PIK3AP1: variants seen among roughly 807,000 people sequenced by gnomAD.
The protein encoded by PIK3AP1 is phosphoinositide 3-kinase adapter protein 1.
PIK3AP1 carries 21 observed loss-of-function variants against 88.1 expected under a neutral mutation model. That is an observed-to-expected ratio of 0.24 (90% CI 0.17 to 0.34). The LOEUF (loss-of-function observed/expected upper bound fraction) is 0.34. Ranked by LOEUF, PIK3AP1 falls within the 10% of genes least tolerant of loss-of-function variation. The pLI, the probability that PIK3AP1 is intolerant of heterozygous loss-of-function variation, is 1.00. For synonymous variants in PIK3AP1, 398 were observed against 400.0 expected (o/e 1.00, Z 0.06); for missense variants, 828 against 1,035.7 (o/e 0.80, Z 2.75).
intron 14 of PIK3AP1, among the ~76,000 whole-genome samples, chr10:96,609,069 C>A (rs1564953035): frequency 6.6e-6 from 1 of 152,186 alleles, no homozygotes; most frequent in Non-Finnish European, 1.5e-5. Flanking sequence ...AGCTTTCCAG[C>A]CAAAAGGAAG....
chr10:96,603,569 C>CT (rs1848941379), intron 15 of PIK3AP1, among the ~76,000 whole-genome samples: 1 of 152,018 alleles, frequency 6.6e-6, no homozygotes, highest in African/African-American at 2.4e-5. Context: ...ACACTGGACT[C>CT]CAAGTTCTCC....
At chr10:96,713,363 G>T (rs1410412397) in intron 1 of PIK3AP1, among the ~76,000 whole-genome samples, 2 of 151,938 alleles carry the variant, frequency 1.3e-5, no homozygotes, top group African/African-American at 2.4e-5. Context: ...AATTAGCCGG[G>T]TGTTGTGGCA....
chr10:96,628,277 A>G, intron 9 of PIK3AP1, 121 bp downstream of exon 9: 1 of 862,874 alleles, frequency 1.2e-6, no homozygotes, highest in East Asian at 2.4e-5. Flanking sequence ...TATTCACATC[A>G]CATGCCATGT....
At chr10:96,639,998 G>A (rs1843362748) in intron 8 of PIK3AP1, among the ~76,000 whole-genome samples, 3 of 152,144 alleles carry the variant, frequency 2.0e-5, no homozygotes, top group African/African-American at 7.2e-5. Flanking sequence ...AGAGAGCTCA[G>A]GTAAAGAAAA....
At chr10:96,620,311 G>T (rs1843058437) in intron 12 of PIK3AP1, 41 bp downstream of exon 12, 3 of 1,597,830 alleles carry the variant, frequency 1.9e-6, no homozygotes, top group Non-Finnish European at 2.6e-6. Context: ...CTGTCAAGTG[G>T]GGAAATAGAC....
intron 12 of PIK3AP1, among the ~76,000 whole-genome samples, chr10:96,619,039 G>T (rs574825201): frequency 2.0e-5 from 3 of 152,242 alleles, no homozygotes; most frequent in African/African-American, 7.2e-5. Flanking sequence ...GGGAGCACAG[G>T]CTCTGGGGTG....
intron 2 of PIK3AP1, among the ~76,000 whole-genome samples, chr10:96,707,617 C>G (rs1298050591): frequency 6.6e-6 from 1 of 152,044 alleles, no homozygotes; most frequent in African/African-American, 2.4e-5. Context: ...TTTTAAAGAA[C>G]AATCTGTTAC....
At chr10:96,699,679 A>G (rs1844269320) in intron 2 of PIK3AP1, among the ~76,000 whole-genome samples, 1 of 152,286 alleles carries the variant, frequency 6.6e-6, no homozygotes, top group South Asian at 2.1e-4. Flanking sequence ...GTTGGCTCTG[A>G]TTTCTACATA....
chr10:96,706,778 G>A (rs1210006546), intron 2 of PIK3AP1, among the ~76,000 whole-genome samples: 7 of 152,138 alleles, frequency 4.6e-5, no homozygotes, highest in Non-Finnish European at 8.8e-5. Context: ...AAGAAAGCTT[G>A]TCCAGCAAAA....
chr10:96,624,429 C>T (rs1843127460), intron 10 of PIK3AP1, among the ~76,000 whole-genome samples: 1 of 152,134 alleles, frequency 6.6e-6, no homozygotes, highest in Admixed American at 6.5e-5. Context: ...CTGACCTTCG[C>T]AATAAGGCTA....
intron 13 of PIK3AP1, among the ~76,000 whole-genome samples, chr10:96,610,895 A>G (rs972892014): frequency 8.5e-5 from 13 of 152,214 alleles, no homozygotes; most frequent in African/African-American, 3.1e-4. Context: ...GCCCAGGGGC[A>G]GGGTTTATAC....
intron 6 of PIK3AP1, 31 bp from the exon 7 acceptor site, chr10:96,648,886 A>G: frequency 6.6e-7 from 1 of 1,516,252 alleles, no homozygotes; most frequent in Non-Finnish European, 8.8e-7. Flanking sequence ...CTTAATAGGC[A>G]GATAAAAATA....
intron 8 of PIK3AP1, among the ~76,000 whole-genome samples, chr10:96,640,346 G>A (rs1281394343): frequency 9.0e-6 from 1 of 111,030 alleles, no homozygotes; most frequent in Non-Finnish European, 1.9e-5. Context: ...GAAACAGACT[G>A]GACAAGGGCC....
intron 15 of PIK3AP1, among the ~76,000 whole-genome samples, chr10:96,602,848 C>CT (rs1321519214): frequency 3.3e-5 from 5 of 152,182 alleles, no homozygotes; most frequent in Non-Finnish European, 7.3e-5. Flanking sequence ...AAAGCAGCAA[C>CT]TTACTCCCTG....
chr10:96,617,623 G>A (rs1200941371), intron 12 of PIK3AP1, among the ~76,000 whole-genome samples: 3 of 152,216 alleles, frequency 2.0e-5, no homozygotes, highest in Non-Finnish European at 4.4e-5. Context: ...GCAGGCAACA[G>A]AAGCTGACAT....
intron 10 of PIK3AP1, among the ~76,000 whole-genome samples, chr10:96,626,259 A>G (rs1843152531): frequency 1.3e-5 from 2 of 152,222 alleles, no homozygotes; most frequent in Admixed American, 1.3e-4. Flanking sequence ...TGGCTTTGCT[A>G]TGCAATGGTT....
intron 1 of PIK3AP1, among the ~76,000 whole-genome samples, chr10:96,715,719 T>C (rs1004444514): frequency 7.3e-5 from 11 of 151,402 alleles, no homozygotes; most frequent in Non-Finnish European, 1.3e-4. Flanking sequence ...TGAAAACCCG[T>C]CTCTACTAAA....
At position 96,648,821 on chromosome 10, in the gene PIK3AP1, A is replaced by G; in HGVS notation, c.1023T>C (p.His341=). ...TCTTCAGTCCATACTTCGCAGCAAAATGCAACAGGGTGGGCAGCTCTTCAT... is the reference window on the plus strand; with the variant it reads ...TCTTCAGTCCATACTTCGCAGCAAAGTGCAACAGGGTGGGCAGCTCTTCAT... ...QRDEELPTLL[H]FAAKYGLKNL... Residue 341 remains histidine (H), a synonymous_variant, in exon 7 of 17, where the codon CAT becomes CAC. Transcript: ENST00000339364. The G allele has an allele frequency of 6.3e-7, 1 of 1,593,700 alleles. No homozygotes were observed. The highest frequency in any genetic ancestry group is 2.3e-5 in the East Asian group (1 of 42,842).
chr10:96,632,954 C>G (rs979765231), intron 8 of PIK3AP1: 1 of 1,612,870 alleles, frequency 6.2e-7, no homozygotes. Context: ...GCTAGCAGGG[C>G]AGTGAAGAGA....
Sources: gnomAD v4.1 joint callset for allele counts (sites outside exome capture counted in the v4.1 genomes callset) on GRCh38, gnomAD v4.1.1 for gene constraint, MANE v1.5 for transcripts, NCBI Gene and HGNC (gene_info 2026-07-23, HGNC 2026-07-21) for gene names.